The following PPP1R42 variants were observed in gnomAD, a reference collection of about 807,000 sequenced individuals.
PPP1R42 encodes leucine rich repeat containing 67.
A neutral mutation model predicts 31.0 loss-of-function variants in PPP1R42; 34 were observed. The ratio of observed to expected loss-of-function variants is 1.10; its 90% CI spans 0.83 to 1.46. The LOEUF (loss-of-function observed/expected upper bound fraction) is 1.46, where lower values mean the gene tolerates loss of function less well. PPP1R42 is among the 40% of genes most tolerant of loss of function. The pLI, the probability that PPP1R42 is intolerant of heterozygous loss-of-function variation, is 0.00. For synonymous variants in PPP1R42, 103 were observed against 109.8 expected, an observed-to-expected ratio of 0.94 and a Z score of 0.39; for missense variants, 268 against 303.0, an observed-to-expected ratio of 0.88 and a Z score of 0.86.
chr8:66,976,964 T>C (rs537457540), intron 7 of PPP1R42, among the ~76,000 whole-genome samples: 1 of 152,244 alleles, frequency 6.6e-6, no homozygotes, highest in African/African-American at 2.4e-5. Flanking sequence ...TCTTCTTTTT[T>C]TAATTCAAGG....
At chr8:67,022,265 CTGAGAG>C (rs1816244879) in intron 1 of PPP1R42, among the ~76,000 whole-genome samples, 2 of 152,314 alleles carry the variant, frequency 1.3e-5, no homozygotes, top group South Asian at 4.1e-4. Context: ...TATTGAGAGA[CTGAGAG>C]TATTTTCCTG....
chr8:66,968,236 T>C (rs1814440997), intron 7 of PPP1R42, among the ~76,000 whole-genome samples: 1 of 152,168 alleles, frequency 6.6e-6, no homozygotes, highest in Non-Finnish European at 1.5e-5. Flanking sequence ...TTCCTCCCAG[T>C]AGAGAAAGCA....
intron 5 of PPP1R42, among the ~76,000 whole-genome samples, chr8:66,997,730 C>A (rs1010869092): frequency 2.0e-5 from 3 of 151,448 alleles, no homozygotes; most frequent in Admixed American, 6.6e-5. Context: ...AAAAAAACAC[C>A]TTTTAGAGGA....
chr8:67,004,685 G>A (rs907745347), intron 5 of PPP1R42, among the ~76,000 whole-genome samples: 7 of 152,154 alleles, frequency 4.6e-5, no homozygotes, highest in Non-Finnish European at 7.4e-5. Context: ...GGATTTTAAA[G>A]GATTGTTTTC....
intron 6 of PPP1R42, chr8:66,985,363 G>A: frequency 1.3e-6 from 1 of 762,582 alleles, no homozygotes; most frequent in Non-Finnish European, 2.3e-6. Context: ...TCCCTCCGAA[G>A]AGGGAACAGC....
intron 1 of PPP1R42, among the ~76,000 whole-genome samples, chr8:67,027,277 T>G (rs1055865101): frequency 6.6e-6 from 1 of 152,190 alleles, no homozygotes; most frequent in Non-Finnish European, 1.5e-5. Context: ...TCTTAATACT[T>G]TCACTTTAGA....
At chr8:67,010,883 A>T in intron 4 of PPP1R42, 52 bp from the exon 5 acceptor site, 1 of 1,441,974 alleles carries the variant, frequency 6.9e-7, no homozygotes, top group Non-Finnish European at 9.2e-7. Context: ...AATACTGTAT[A>T]TAGGAACCAG....
intron 5 of PPP1R42, among the ~76,000 whole-genome samples, chr8:67,003,934 C>CA (rs1815590443): frequency 6.6e-6 from 1 of 151,934 alleles, no homozygotes; most frequent in Non-Finnish European, 1.5e-5. Flanking sequence ...ACTAAAAGTA[C>CA]AAAAAATTAG....
At chr8:67,007,041 CCT>C (rs1204252206) in intron 5 of PPP1R42, among the ~76,000 whole-genome samples, 1 of 151,628 alleles carries the variant, frequency 6.6e-6, no homozygotes, top group Non-Finnish European at 1.5e-5. Context: ...CTGCGCCCGG[CCT>C]CTTTTTTTTT....
intron 5 of PPP1R42, among the ~76,000 whole-genome samples, chr8:67,003,386 CTTCTT>C (rs2129536657): frequency 1.1e-5 from 1 of 88,962 alleles, no homozygotes; most frequent in East Asian, 3.6e-4. Flanking sequence ...CATTTTCATG[CTTCTT>C]TTTTTTTTTT....
intron 5 of PPP1R42, among the ~76,000 whole-genome samples, chr8:66,995,770 G>A: frequency 6.6e-6 from 1 of 152,112 alleles, no homozygotes; most frequent in Admixed American, 6.5e-5. Context: ...TATCAAATAA[G>A]ATCATAGGGT....
intron 7 of PPP1R42, chr8:66,968,459 C>T: frequency 1.0e-6 from 1 of 984,980 alleles, no homozygotes; most frequent in Non-Finnish European, 1.2e-6. Context: ...AGCAGGCTCC[C>T]CACCTTGAAT....
At chr8:66,976,539 C>G (rs1282805377) in intron 7 of PPP1R42, among the ~76,000 whole-genome samples, 3 of 151,616 alleles carry the variant, frequency 2.0e-5, no homozygotes, top group African/African-American at 7.3e-5. Context: ...CTTCCCTTGC[C>G]TTATTCCCTC....
intron 6 of PPP1R42, among the ~76,000 whole-genome samples, chr8:66,982,632 A>C (rs1474454749): frequency 6.6e-6 from 1 of 151,804 alleles, no homozygotes; most frequent in Non-Finnish European, 1.5e-5. Context: ...ATTTTTTTGT[A>C]TTTTTAGTAG....
At position 66,989,836 on chromosome 8, in the gene PPP1R42, A is replaced by G. The variant is rs143628781; in HGVS notation, c.553-1319T>C. On this transcript the variant is annotated intron_variant, in intron 5 of 7. Transcript: ENST00000685739. ...CTTAGGCAAATATATGTCTTCATCT[A>G]TAACTTGAGGTTAATTAAGATTAGT... 3.9e-3 allele frequency among the ~76,000 whole-genome samples: 591 copies of G among 152,314 alleles called. 3 individuals carry two copies. The highest frequency in any genetic ancestry group is 0.013 in the African/African-American group (561 of 41,574).
In PPP1R42 at chr8:67,016,832, T is replaced by C. The variant is rs146433682; in HGVS notation, c.129+787A>G. 4.0e-3 allele frequency among the ~76,000 whole-genome samples: 615 copies of C among 152,344 alleles called. 17 individuals are homozygous for C. The highest frequency in any genetic ancestry group is 0.032 in the Admixed American group (496 of 15,296). On this transcript the variant is annotated intron_variant, in intron 2 of 7. Coordinates refer to ENST00000685739, the MANE Select transcript of PPP1R42 (RefSeq NM_001364910.1). ...TAAGCAGTGTATGCTGTACCCAATA[T>C]GTAGTCTTTTATCCCTCATCCCCTT...
At chr8:67,005,209 G>A in intron 5 of PPP1R42, among the ~76,000 whole-genome samples, 1 of 140,016 alleles carries the variant, frequency 7.1e-6, no homozygotes, top group Non-Finnish European at 1.5e-5. Flanking sequence ...CTCTAACTTT[G>A]TTGTTCAGGT....
chr8:67,006,645 A>C (rs893839375), intron 5 of PPP1R42, among the ~76,000 whole-genome samples: 3 of 151,564 alleles, frequency 2.0e-5, no homozygotes, highest in African/African-American at 7.3e-5. Context: ...CGGTGATTAC[A>C]GGCATGAGCC....
intron 7 of PPP1R42, among the ~76,000 whole-genome samples, chr8:66,975,880 A>G (rs1260356009): frequency 1.3e-5 from 2 of 152,158 alleles, no homozygotes; most frequent in Non-Finnish European, 2.9e-5. Flanking sequence ...GCATCATTCA[A>G]TATTCTCCTT....
Sources: allele counts gnomAD v4.1 joint callset (sites outside exome capture counted in the v4.1 genomes callset), GRCh38; gene constraint gnomAD v4.1.1; transcripts MANE v1.5; gene names NCBI Gene and HGNC (gene_info 2026-07-23, HGNC 2026-07-21).